NBPF15: variants seen among roughly 807,000 people sequenced by gnomAD.
NBPF15 encodes NBPF member 15, also known as NBPF family member NBPF15.
NBPF15 carries 74 observed loss-of-function variants against 62.2 expected under a neutral mutation model. The observed-to-expected ratio is 1.19, with a 90% CI of 0.99 to 1.44. The LOEUF (loss-of-function observed/expected upper bound fraction) is 1.44, where lower values mean the gene tolerates loss of function less well. Ranked by LOEUF, NBPF15 falls within the 40% of genes most tolerant of loss-of-function variation. The probability of loss-of-function intolerance (pLI) is 0.00; values close to 1 mark genes in which losing one functional copy is unlikely to be tolerated. For missense variants in NBPF15, 790 were observed against 550.0 expected (o/e 1.44, Z -4.36); for synonymous variants, 244 against 209.7 (o/e 1.16, Z -1.41).
At chr1:144,451,616 T>C (rs1553545547) in intron 4 of NBPF15, among the ~76,000 whole-genome samples, 1 of 151,832 alleles carries the variant, frequency 6.6e-6, no homozygotes, top group East Asian at 1.9e-4. Flanking sequence ...GGAGTGGTGA[T>C]GACTCTTAAC....
intron 6 of NBPF15, among the ~76,000 whole-genome samples, chr1:144,440,913 C>T (rs1242451477): frequency 1.3e-5 from 2 of 151,720 alleles, no homozygotes; most frequent in African/African-American, 2.4e-5. Context: ...TCGTGATCTG[C>T]CGCCTCGGCC....
chr1:144,460,124 T>C (rs1425812457), intron 2 of NBPF15, among the ~76,000 whole-genome samples: 1 of 95,750 alleles, frequency 1.0e-5, no homozygotes, highest in African/African-American at 4.3e-5. Context: ...CTCACTGCAA[T>C]CTCAACCTCC....
chr1:144,426,516 A>G (rs1669765716), intron 17 of NBPF15, 66 bp from the exon 18 acceptor site: 3 of 776,182 alleles, frequency 3.9e-6, no homozygotes, highest in Admixed American at 1.7e-5. Flanking sequence ...CCCCAGCTAG[A>G]TTTCATGGCT....
Position 144,439,761 on chromosome 1 carries a change from T to C in NBPF15, c.175+68A>G, listed in dbSNP as rs1275728129. On this transcript the variant is annotated intron_variant, in intron 8 of 21. Transcript: ENST00000581897. ...GAAATTATTTTTGATGGAGAGAGCA[T>C]TTAGTGTCTCAGAGAGAAGACAGGA... The C allele has an allele frequency of 8.2e-4, 966 of 1,177,414 alleles. 5 individuals are homozygous for C. The highest frequency in any genetic ancestry group is 1.1e-3 in the Non-Finnish European group (884 of 795,484). The allele number at this position is 1,177,414 out of a possible 1,614,324, so 72.9% of individuals were successfully genotyped here.
chr1:144,444,329 C>G (rs1293224406), intron 6 of NBPF15, among the ~76,000 whole-genome samples: 1 of 150,518 alleles, frequency 6.6e-6, no homozygotes, highest in East Asian at 1.9e-4. Context: ...AAAAGCCCAC[C>G]AAGAGTTTTG....
intron 11 of NBPF15, 56 bp from the exon 12 acceptor site, chr1:144,435,372 C>G: frequency 1.5e-6 from 2 of 1,315,856 alleles, no homozygotes; most frequent in Non-Finnish European, 2.2e-6. Flanking sequence ...GGGATTGGAC[C>G]CCAGGGAGTC....
At chr1:144,437,545 C>T (rs1211094856) in intron 9 of NBPF15, among the ~76,000 whole-genome samples, 3 of 150,144 alleles carry the variant, frequency 2.0e-5, no homozygotes, top group African/African-American at 4.9e-5. Flanking sequence ...ATGACAGGGT[C>T]GAGAAGGCAA....
rs1237945136 is a variant in NBPF15, at chr1:144,458,915, C to G, written c.-701+451G>C. Among the ~76,000 whole-genome samples the G allele has an allele frequency of 1.3e-5, 2 of 151,620 alleles. 1 individual carries two copies. The highest frequency in any genetic ancestry group is 2.9e-5 in the Non-Finnish European group (2 of 67,886). On this transcript the variant is annotated intron_variant, in intron 3 of 21. Coordinates refer to ENST00000581897, the MANE Select transcript of NBPF15 (RefSeq NM_001385408.1). ...ATTAAGCCAGGCATGGTGGCACACT[C>G]CTATAGTCGCAGCTACTCAGGAGGC...
chr1:144,432,994 G>T (rs1480464291), intron 13 of NBPF15, among the ~76,000 whole-genome samples: 36 of 151,750 alleles, frequency 2.4e-4, no homozygotes, highest in Non-Finnish European at 2.9e-5. Context: ...CAAATCAACA[G>T]AATATACATT....
At chr1:144,424,435 C>T (rs1428226798) in intron 20 of NBPF15, among the ~76,000 whole-genome samples, 1 of 151,900 alleles carries the variant, frequency 6.6e-6, no homozygotes, top group African/African-American at 2.4e-5. Flanking sequence ...CACATCTGCC[C>T]AGGTCCAATG....
chr1:144,425,169 A>G (rs1668861701), intron 19 of NBPF15, among the ~76,000 whole-genome samples: 1 of 141,546 alleles, frequency 7.1e-6, no homozygotes, highest in Non-Finnish European at 1.5e-5. Flanking sequence ...CTGATGAGGG[A>G]GTAACAGGAC....
At position 144,429,457 on chromosome 1, in the gene NBPF15, G is replaced by A. The variant is rs1352008093; in HGVS notation, c.988+243C>T. Among the ~76,000 whole-genome samples the A allele has an allele frequency of 2.6e-4, 39 of 151,096 alleles. 1 individual carries two copies. The highest frequency in any genetic ancestry group is 3.9e-4 in the East Asian group (2 of 5,144). On this transcript the variant is annotated intron_variant, in intron 14 of 21. Coordinates refer to ENST00000581897, the MANE Select transcript of NBPF15 (RefSeq NM_001385408.1). ...CCACACCTGCCTTGAGTTCAATGTC[G>A]TGACAGTCAGTCCAGGTTGGCACGG... is the stretch of plus-strand genomic sequence containing the variant.
chr1:144,436,549 C>T (rs1357906842), intron 10 of NBPF15, among the ~76,000 whole-genome samples: 39 of 151,960 alleles, frequency 2.6e-4, no homozygotes, highest in Admixed American at 1.6e-3. Flanking sequence ...AGAACATTGC[C>T]GAAAAGACAG....
Position 144,442,171 on chromosome 1 carries a change from TA to T in NBPF15, c.-190-1877del, listed in dbSNP as rs1418739525. Reference sequence around the variant, plus strand: ...TAATATATATACACGTGTATATATATATATATATAATATATATACACGTGTA... The same window carrying T: ...TAATATATATACACGTGTATATATATTATATATAATATATATACACGTGTA... On this transcript the variant is annotated intron_variant, in intron 6 of 21. Transcript: ENST00000581897. Among the ~76,000 whole-genome samples, 115 of 114,290 alleles carry T rather than the reference TA, an allele frequency of 1.0e-3. 3 individuals carry two copies. The highest frequency in any genetic ancestry group is 4.0e-3 in the African/African-American group (111 of 27,948). 75.0% of individuals were successfully genotyped at this position (114,290 alleles called of 152,430 possible). A position where few individuals can be genotyped will look rare whatever the true frequency, so the allele number is the denominator to read the frequency against.
chr1:144,456,301 C>T (rs1310896519), intron 4 of NBPF15, among the ~76,000 whole-genome samples: 4 of 151,932 alleles, frequency 2.6e-5, no homozygotes, highest in African/African-American at 9.7e-5. Flanking sequence ...CTGGAGAGAA[C>T]ACTCTCCTCT....
chr1:144,432,031 T>G (rs1286099473), intron 13 of NBPF15, among the ~76,000 whole-genome samples: 2 of 151,918 alleles, frequency 1.3e-5, no homozygotes, highest in Non-Finnish European at 2.9e-5. Flanking sequence ...CTGGGTCAAA[T>G]AGTATTTCTA....
chr1:144,447,941 A>G (rs1375128215), intron 6 of NBPF15, among the ~76,000 whole-genome samples: 2 of 151,974 alleles, frequency 1.3e-5, no homozygotes, highest in East Asian at 1.9e-4. Context: ...AGAACCACAG[A>G]CCGCACGGCT....
intron 6 of NBPF15, among the ~76,000 whole-genome samples, chr1:144,441,361 C>A (rs1462746466): frequency 2.6e-5 from 4 of 151,864 alleles, no homozygotes; most frequent in African/African-American, 9.7e-5. Flanking sequence ...TAAACTACAC[C>A]AGGTGTGTAG....
Position 144,427,929 on chromosome 1 carries a change from A to G in NBPF15, c.1102T>C (p.Cys368Arg), listed in dbSNP as rs1158007061. The change falls in exon 16 of 22, where the codon TGT becomes CGT. Residue 368 changes from cysteine to arginine, a missense_variant. Physicochemically the swap from Cys to Arg is radical, Grantham distance 180. Transcript: ENST00000581897. Reference protein sequence around the residue: ...PEVLQDSLDRCYSTPSGCLEL... With the variant: ...PEVLQDSLDRRYSTPSGCLEL... ...AGACAACCTGAAGGAGTTGAATAACATCTATCCAGTGAGTCCTGCAAGACT... is the reference window on the plus strand; with the variant it reads ...AGACAACCTGAAGGAGTTGAATAACGTCTATCCAGTGAGTCCTGCAAGACT... 2.6e-6 allele frequency: 2 copies of G among 758,918 alleles called. No individual in the cohort carries two copies. Among genetic ancestry groups the G allele is most frequent in the Non-Finnish European group, 2.4e-6 (1 of 410,758 alleles). 47.0% of individuals were successfully genotyped at this position (758,918 alleles called of 1,614,324 possible).
Sources: gnomAD v4.1 joint callset for allele counts (sites outside exome capture counted in the v4.1 genomes callset) on GRCh38, gnomAD v4.1.1 for gene constraint, MANE v1.5 for transcripts, NCBI Gene and HGNC (gene_info 2026-07-23, HGNC 2026-07-21) for gene names.